Variants in VPS52 observed in about 807,000 individuals in gnomAD.
VPS52 encodes the protein vacuolar protein sorting-associated protein 52 homolog.
In VPS52, 56 loss-of-function variants were observed where a neutral mutation model predicts 98.7. That is an observed-to-expected ratio of 0.57 (90% CI 0.46 to 0.71). The LOEUF is 0.71. VPS52 is among the 30% of genes least tolerant of loss of function. The pLI is 0.00. For missense variants in VPS52, 742 were observed against 925.9 expected, an observed-to-expected ratio of 0.80 and a Z score of 2.58; for synonymous variants, 348 against 346.4, an observed-to-expected ratio of 1.00 and a Z score of -0.05.
intron 17 of VPS52, among the ~76,000 whole-genome samples, chr6:33,261,858 TG>T (rs1453347937): frequency 3.3e-5 from 5 of 151,808 alleles, no homozygotes; most frequent in African/African-American, 1.2e-4. Context: ...CTGACCAACA[TG>T]GTGAAACCCC....
chr6:33,252,719 G>A (rs1031538383), intron 17 of VPS52, among the ~76,000 whole-genome samples: 1 of 151,224 alleles, frequency 6.6e-6, no homozygotes, highest in African/African-American at 2.4e-5. Context: ...AGATTAACAA[G>A]AATTATACAA....
In VPS52 at chr6:33,251,651, A is replaced by T; in HGVS notation, c.1907-15T>A. On this transcript the variant is annotated splice_polypyrimidine_tract_variant and intron_variant, in intron 18 of 19. Coordinates refer to ENST00000445902, the MANE Select transcript of VPS52 (RefSeq NM_022553.6). ...AGTTACCCGGGCTAATAGCAGGAGG[A>T]AACAGTGTCAGAGAGGGATCTGGCT... The T allele has an allele frequency of 6.3e-7, 1 of 1,597,358 alleles. No homozygotes were observed. Among genetic ancestry groups the T allele is most frequent in the Non-Finnish European group, 8.6e-7 (1 of 1,166,112 alleles).
intron 17 of VPS52, among the ~76,000 whole-genome samples, chr6:33,261,917 G>A (rs1323622607): frequency 6.6e-6 from 1 of 151,814 alleles, no homozygotes; most frequent in African/African-American, 2.4e-5. Context: ...GCACATGCCT[G>A]TAATCACAGC....
intron 17 of VPS52, 66 bp downstream of exon 17, chr6:33,263,418 G>GAGAGAGAA: frequency 2.5e-6 from 2 of 796,266 alleles, no homozygotes; most frequent in Non-Finnish European, 3.6e-6. Flanking sequence ...CACACACAGA[G>GAGAGAGAA]AGAGAGAGAG....
At chr6:33,263,648 G>C in intron 16 of VPS52, 99 bp from the exon 17 acceptor site, 1 of 1,577,472 alleles carries the variant, frequency 6.3e-7, no homozygotes, top group Non-Finnish European at 8.7e-7. Context: ...GCTGGACACT[G>C]TGCCAGACTC....
chr6:33,271,846 A>G lies in VPS52; in HGVS notation c.-171T>C. On this transcript the variant is annotated 5_prime_UTR_variant, in exon 1 of 20. Transcript: ENST00000445902. ...GCTCTAACCACTTCACCCAACTGCA[A>G]ATGGAAATATGGAAGTCTGAAACAC... is the stretch of plus-strand genomic sequence containing the variant. 2 of 1,377,688 alleles carry G rather than the reference A, an allele frequency of 1.5e-6. No homozygotes were observed. The highest frequency in any genetic ancestry group is 3.0e-5 in the South Asian group (2 of 66,292). 85.3% of individuals were successfully genotyped at this position (1,377,688 alleles called of 1,614,324 possible).
intron 12 of VPS52, among the ~76,000 whole-genome samples, chr6:33,265,792 G>A (rs1226948060): frequency 6.6e-6 from 1 of 152,180 alleles, no homozygotes; most frequent in Non-Finnish European, 1.5e-5. Context: ...CTGATTGTGG[G>A]TCAGCAGTAG....
intron 12 of VPS52, among the ~76,000 whole-genome samples, 161 bp downstream of exon 12, chr6:33,266,396 G>T (rs1018629567): frequency 1.3e-5 from 2 of 152,138 alleles, no homozygotes; most frequent in African/African-American, 4.8e-5. Flanking sequence ...GACTCCCAAA[G>T]TGCTGGGATT....
At position 33,264,096 on chromosome 6, in the gene VPS52, C is replaced by T. The variant is rs761854873; in HGVS notation, c.1532G>A (p.Arg511His). 1 of 1,614,070 alleles carries T rather than the reference C, an allele frequency of 6.2e-7. No homozygotes were observed. The highest frequency in any genetic ancestry group is 8.5e-7 in the Non-Finnish European group (1 of 1,180,016). ...GLDTRPHYITRRYAEFSSALV... is the reference protein window; with the variant it reads ...GLDTRPHYITHRYAEFSSALV... ...AGCGGAGGAGAACTCTGCATAGCGG[C>T]GTGTGATCTAGGAGAGAGTGGGAAG... is the stretch of plus-strand genomic sequence containing the variant. The change falls in exon 15 of 20, where the codon CGC (arginine) becomes CAC (histidine). Residue 511 changes from arginine (R) to histidine (H), a missense_variant. Arg to His is a conservative substitution (Grantham distance 29, BLOSUM62 0). Around this residue, in one of 2 missense-constraint regions of VPS52, gnomAD observed 590 missense variants for 793.3 expected, o/e 0.74. Coordinates refer to ENST00000445902, the MANE Select transcript of VPS52 (RefSeq NM_022553.6).
chr6:33,267,671 T>C lies in VPS52; in HGVS notation c.991+11A>G. ...AAGGCCTGGCATGAGGGTTCCCCAG[T>C]ACTAGGATATCTTTCTTTGCTGTAT... On this transcript the variant is annotated intron_variant, in intron 10 of 19. Transcript: ENST00000445902. This position sits in a 1 kb window ranked among gnomAD's most constrained non-coding sequence, Gnocchi z 4.2. The C allele has an allele frequency of 1.2e-6, 2 of 1,613,046 alleles. No homozygotes were observed. Among genetic ancestry groups the C allele is most frequent in the Non-Finnish European group, 1.7e-6 (2 of 1,180,006 alleles).
At chr6:33,262,932 A>G (rs1763803336) in intron 17 of VPS52, among the ~76,000 whole-genome samples, 1 of 152,154 alleles carries the variant, frequency 6.6e-6, no homozygotes, top group African/African-American at 2.4e-5. Flanking sequence ...ATGGGTACAA[A>G]CAAAAATAGG....
intron 17 of VPS52, among the ~76,000 whole-genome samples, chr6:33,256,463 CAAAAAAA>C (rs9280385): frequency 1.2e-5 from 1 of 83,744 alleles, no homozygotes; most frequent in Non-Finnish European, 2.3e-5. Context: ...AAACCTGTCT[CAAAAAAA>C]AAAAAAAAAA....
Position 33,269,807 on chromosome 6 carries a change from G to A in VPS52, c.241C>T (p.Arg81Cys), listed in dbSNP as rs748614082. The A allele has an allele frequency of 5.6e-5, 83 of 1,494,088 alleles. No individual in the cohort carries two copies. The highest frequency in any genetic ancestry group is 1.4e-4 in the Admixed American group (7 of 50,906). The allele number at this position is 1,494,088 out of a possible 1,614,324, so 92.6% of individuals were successfully genotyped here. The change falls in exon 4 of 20, where the codon CGT becomes TGT. Residue 81 changes from arginine (R) to cysteine (C), a missense_variant. Around this residue, in one of 2 missense-constraint regions of VPS52, gnomAD observed 152 missense variants for 132.6 expected, o/e 1.15. Coordinates refer to ENST00000445902, the MANE Select transcript of VPS52 (RefSeq NM_022553.6). ...KEALKTGVDL[R>C]HYSKQVELEL... Reference sequence around the variant, plus strand: ...AGCTCAACTTGCTTTGAATAGTGACGGAGATCTACACCCTGGGAGAACATA... The same window carrying A: ...AGCTCAACTTGCTTTGAATAGTGACAGAGATCTACACCCTGGGAGAACATA...
intron 12 of VPS52, among the ~76,000 whole-genome samples, chr6:33,265,318 C>T (rs1183139274): frequency 1.3e-5 from 2 of 151,744 alleles, no homozygotes; most frequent in South Asian, 2.1e-4. Flanking sequence ...TCAGGCGATC[C>T]GCCCACCTCA....
intron 1 of VPS52, chr6:33,271,153 A>C (rs1765010428): frequency 3.8e-6 from 2 of 527,208 alleles, no homozygotes; most frequent in Non-Finnish European, 6.8e-6. Context: ...GCCAGGTGCA[A>C]TCTTACACAT....
chr6:33,267,952 C>T lies in VPS52; in HGVS notation c.846G>A (p.Lys282=), dbSNP rs1249310346. Reference sequence around the variant, plus strand: ...TCTCCACATATTCATCCCTGATCTCCTTTGCTGTTGCTCGTTCATTGCCCA... The same window carrying T: ...TCTCCACATATTCATCCCTGATCTCTTTTGCTGTTGCTCGTTCATTGCCCA... ...FLLGNERATA[K]EIRDEYVETL... is the part of the protein sequence containing the mutation. The change falls in exon 9 of 20, where the codon AAG becomes AAA. Residue 282 remains lysine (K), a synonymous_variant. Coordinates refer to ENST00000445902, the MANE Select transcript of VPS52 (RefSeq NM_022553.6). The surrounding 1 kb of genome is among the most constrained non-coding windows in gnomAD (Gnocchi z 4.2). The T allele has an allele frequency of 1.2e-6, 2 of 1,613,096 alleles. No individual in the cohort carries two copies. The highest frequency in any genetic ancestry group is 2.2e-5 in the East Asian group (1 of 44,884).
chr6:33,253,761 A>T (rs1762602641), intron 17 of VPS52, among the ~76,000 whole-genome samples: 1 of 152,036 alleles, frequency 6.6e-6, no homozygotes, highest in African/African-American at 2.4e-5. Context: ...CTCAAAAATA[A>T]TTTTCTTAAT....
chr6:33,266,471 A>C lies in VPS52; in HGVS notation c.1281+86T>G, dbSNP rs1764320097. On this transcript the variant is annotated intron_variant, in intron 12 of 19. Transcript: ENST00000445902. ...TTTAGAATGAGGCGATCCTGATTTC[A>C]GTTCTACCAGAGTCATGACCCCACT... The C allele has an allele frequency of 2.1e-6, 3 of 1,436,702 alleles. No individual in the cohort carries two copies. In the African/African-American group the frequency reaches 4.3e-5, roughly 20 times the overall value. 89.0% of individuals were successfully genotyped at this position (1,436,702 alleles called of 1,614,324 possible). A position where few individuals can be genotyped will look rare whatever the true frequency, so the allele number is the denominator to read the frequency against.
Position 33,271,593 on chromosome 6 carries a change from C to A in VPS52, c.83G>T (p.Gly28Val). The change falls in exon 1 of 20, where the codon GGC becomes GTC. Residue 28 changes from glycine (G) to valine (V), a missense_variant. Around this residue, in one of 2 missense-constraint regions of VPS52, gnomAD observed 152 missense variants for 132.6 expected, o/e 1.15. Coordinates refer to ENST00000445902, the MANE Select transcript of VPS52 (RefSeq NM_022553.6). ...ACAGCTCCGCGCTCTCACCAGCGGG[C>A]CCTCTTCCTCCTCCATATCTGAGGT... is the stretch of plus-strand genomic sequence containing the variant. ...AGTSDMEEEE[G>V]PLAGGPGLQE... 6.2e-7 allele frequency: 1 copy of A among 1,607,088 alleles called. No individual in the cohort carries two copies.
Sources: gnomAD v4.1 joint callset for allele counts (sites outside exome capture counted in the v4.1 genomes callset) on GRCh38, gnomAD v4.1.1 for gene constraint, gnomAD v4.1.1 regional missense constraint, Gnocchi (gnomAD v3.1) non-coding constraint, MANE v1.5 for transcripts, NCBI Gene and HGNC (gene_info 2026-07-23, HGNC 2026-07-21) for gene names.